NEMP2: variants seen among roughly 807,000 people sequenced by gnomAD.
NEMP2 encodes the protein nuclear envelope integral membrane protein 2.
In NEMP2, 53 loss-of-function variants were observed where a neutral mutation model predicts 54.2. The observed-to-expected ratio is 0.98, with a 90% CI of 0.78 to 1.23. The LOEUF (loss-of-function observed/expected upper bound fraction) is 1.23. Ranked by LOEUF, NEMP2 falls within the 50% of genes most tolerant of loss-of-function variation. The probability of loss-of-function intolerance (pLI) is 0.00; values close to 1 mark genes in which losing one functional copy is unlikely to be tolerated. For missense variants in NEMP2, 455 were observed against 511.3 expected, an observed-to-expected ratio of 0.89 and a Z score of 1.06; for synonymous variants, 197 against 190.3, an observed-to-expected ratio of 1.04 and a Z score of -0.29.
the NEMP2 span, among the ~76,000 whole-genome samples, chr2:190,641,957 T>C: frequency 6.6e-6 from 1 of 152,268 alleles, no homozygotes. Flanking sequence ...ATTTCTTCTG[T>C]CTTAAACACA....
the NEMP2 span, among the ~76,000 whole-genome samples, chr2:190,549,544 A>G: frequency 6.6e-6 from 1 of 152,182 alleles, no homozygotes; most frequent in South Asian, 2.1e-4. Context: ...AAGCTGAACA[A>G]TTCTTTGTTT....
chr2:190,460,040 T>G, the NEMP2 span, among the ~76,000 whole-genome samples: 10 of 152,234 alleles, frequency 6.6e-5, no homozygotes, highest in Non-Finnish European at 1.5e-4. Context: ...GCTGTGGGAC[T>G]ACCACTGACT....
the NEMP2 span, among the ~76,000 whole-genome samples, chr2:190,458,163 C>T: frequency 8.5e-5 from 13 of 152,110 alleles, no homozygotes; most frequent in African/African-American, 2.9e-4. The surrounding 1 kb of genome is among the most constrained non-coding windows in gnomAD (Gnocchi z 5.3). Flanking sequence ...TAAGTGACCT[C>T]GAAGGGCATT....
the NEMP2 span, among the ~76,000 whole-genome samples, chr2:190,576,398 G>A: frequency 2.0e-5 from 3 of 152,158 alleles, no homozygotes; most frequent in African/African-American, 7.2e-5. Flanking sequence ...TCTAGAACTA[G>A]CATCAGCTTT....
chr2:190,471,324 G>A, the NEMP2 span, among the ~76,000 whole-genome samples: 1 of 152,206 alleles, frequency 6.6e-6, no homozygotes, highest in African/African-American at 2.4e-5. The surrounding 1 kb of genome is among the most constrained non-coding windows in gnomAD (Gnocchi z 4.7). Context: ...AAGGGGTCAG[G>A]GAATTCCCTT....
At chr2:190,645,946 C>T in the NEMP2 span, among the ~76,000 whole-genome samples, 8 of 152,244 alleles carry the variant, frequency 5.3e-5, no homozygotes, top group Admixed American at 5.2e-4. Flanking sequence ...TATAGCAAAG[C>T]CCTGCGGGCA....
At chr2:190,569,466 C>A in the NEMP2 span, among the ~76,000 whole-genome samples, 1 of 152,146 alleles carries the variant, frequency 6.6e-6, no homozygotes, top group Admixed American at 6.5e-5. Flanking sequence ...TGAATTTTAG[C>A]TTTGTTGCTT....
In NEMP2 at chr2:190,509,187, T is replaced by C; in HGVS notation, c.*2A>G. The C allele has an allele frequency of 6.4e-7, 1 of 1,551,672 alleles. No individual in the cohort carries two copies. The highest frequency in any genetic ancestry group is 1.4e-5 in the African/African-American group (1 of 73,166). On this transcript the variant is annotated 3_prime_UTR_variant, in exon 9 of 9. Coordinates refer to ENST00000409150, the MANE Select transcript of NEMP2 (RefSeq NM_001142645.2). The surrounding 1 kb of genome is among the most constrained non-coding windows in gnomAD (Gnocchi z 6.1). ...GAATGAAGTCAACTTGAAGGTCGCA[T>C]GTCAGGCAGTACTCGGGTTAAAGAG...
At chr2:190,469,746 A>AT in the NEMP2 span, 493 of 1,364,632 alleles carry the variant, frequency 3.6e-4, 2 homozygotes, top group African/African-American at 5.9e-3. The surrounding 1 kb of genome is among the most constrained non-coding windows in gnomAD (Gnocchi z 5.3). Context: ...TTTATTTTTT[A>AT]TTTTTTTTTA....
Position 190,528,444 on chromosome 2 carries a change from A to G in NEMP2, c.98-3066T>C, listed in dbSNP as rs141869942. Among the ~76,000 whole-genome samples, 2 of 152,270 alleles carry G rather than the reference A, an allele frequency of 1.3e-5. No homozygotes were observed. Among genetic ancestry groups the G allele is most frequent in the Non-Finnish European group, 2.9e-5 (2 of 68,024 alleles). Reference sequence around the variant, plus strand: ...AATAACTTTATACTGGGAGTCCTCAAACAAAAGTGATTCCTACCTATCGTT... The same window carrying G: ...AATAACTTTATACTGGGAGTCCTCAGACAAAAGTGATTCCTACCTATCGTT... On this transcript the variant is annotated intron_variant, in intron 1 of 8. Transcript: ENST00000409150. The surrounding 1 kb of genome is among the most constrained non-coding windows in gnomAD (Gnocchi z 4.3).
In NEMP2 at chr2:190,509,303, G is replaced by C. The variant is rs914253369; in HGVS notation, c.1140C>G (p.Asp380Glu). ...ACAAGTGGCTTCCTCCAAGAACAAA[G>C]TCTGCAAATCTAACAAGTTTTTTGT... The part of the protein sequence containing the change: ...SRLHTPSKFA[D>E]FVLGGSHLSP... The change falls in exon 9 of 9, where the codon GAC becomes GAG. Residue 380 changes from aspartate (D) to glutamate (E), a missense_variant. Transcript: ENST00000409150. The surrounding 1 kb of genome is among the most constrained non-coding windows in gnomAD (Gnocchi z 6.1). 2 of 1,551,634 alleles carry C rather than the reference G, an allele frequency of 1.3e-6. No individual in the cohort carries two copies. The highest frequency in any genetic ancestry group is 1.7e-6 in the Non-Finnish European group (2 of 1,146,976).
the NEMP2 span, among the ~76,000 whole-genome samples, chr2:190,487,539 A>C: frequency 6.6e-6 from 1 of 152,238 alleles, no homozygotes; most frequent in Non-Finnish European, 1.5e-5. The surrounding 1 kb of genome is among the most constrained non-coding windows in gnomAD (Gnocchi z 5.5). Context: ...GAATATATAA[A>C]GAGCTCCTAC....
chr2:190,482,256 CAAGAA>C, the NEMP2 span, among the ~76,000 whole-genome samples: 141 of 152,240 alleles, frequency 9.3e-4, no homozygotes, highest in African/African-American at 3.3e-3. Flanking sequence ...TTTGTGTGAG[CAAGAA>C]AAGAAAACAT....
the NEMP2 span, among the ~76,000 whole-genome samples, chr2:190,645,896 T>C: frequency 6.6e-6 from 1 of 151,780 alleles, no homozygotes; most frequent in Admixed American, 6.5e-5. Context: ...TTTTCCTTTG[T>C]CTTTTAGACT....
At chr2:190,537,257 G>A (rs1295800095), upstream of NEMP2, among the ~76,000 whole-genome samples, 3 of 152,204 alleles carry the variant, frequency 2.0e-5, no homozygotes, top group Non-Finnish European at 4.4e-5. Flanking sequence ...ACATAGCTGA[G>A]GAAAGAACCG....
At chr2:190,572,689 G>A in the NEMP2 span, among the ~76,000 whole-genome samples, 1 of 151,100 alleles carries the variant, frequency 6.6e-6, no homozygotes, top group South Asian at 2.1e-4. Flanking sequence ...TTACTACATG[G>A]TCTTCAGAAT....
At chr2:190,486,241 A>C in the NEMP2 span, among the ~76,000 whole-genome samples, 1 of 152,264 alleles carries the variant, frequency 6.6e-6, no homozygotes, top group Admixed American at 6.5e-5. Flanking sequence ...GGTGGGAAGA[A>C]GTGTTCCCCG....
the NEMP2 span, among the ~76,000 whole-genome samples, chr2:190,543,926 G>A: frequency 6.6e-6 from 1 of 152,172 alleles, no homozygotes; most frequent in Non-Finnish European, 1.5e-5. The surrounding 1 kb of genome is among the most constrained non-coding windows in gnomAD (Gnocchi z 4.7). Flanking sequence ...CTATGAATCA[G>A]AAGTAAAATT....
chr2:190,480,419 A>G, the NEMP2 span, among the ~76,000 whole-genome samples: 5 of 152,232 alleles, frequency 3.3e-5, no homozygotes, highest in Non-Finnish European at 5.9e-5. Flanking sequence ...TTTGAATGAT[A>G]TAAGAAATTC....
Sources: gnomAD v4.1 joint callset for allele counts (sites outside exome capture counted in the v4.1 genomes callset) on GRCh38, gnomAD v4.1.1 for gene constraint, Gnocchi (gnomAD v3.1) non-coding constraint, MANE v1.5 for transcripts, NCBI Gene and HGNC (gene_info 2026-07-23, HGNC 2026-07-21) for gene names.